XPNPEP1: variants seen among roughly 807,000 people sequenced by gnomAD.
XPNPEP1 encodes the protein X-prolyl aminopeptidase 1.
A neutral mutation model predicts 92.4 loss-of-function variants in XPNPEP1; 39 were observed. That is an observed-to-expected ratio of 0.42 (90% CI 0.33 to 0.55). The LOEUF (loss-of-function observed/expected upper bound fraction) is 0.55. Ranked by LOEUF, XPNPEP1 falls within the 20% of genes least tolerant of loss-of-function variation. The pLI, the probability that XPNPEP1 is intolerant of heterozygous loss-of-function variation, is 0.08. For synonymous variants in XPNPEP1, 307 were observed against 299.4 expected, an observed-to-expected ratio of 1.03 and a Z score of -0.26; for missense variants, 654 against 856.1, an observed-to-expected ratio of 0.76 and a Z score of 2.95.
chr10:109,898,576 G>C (rs944966), intron 3 of XPNPEP1, among the ~76,000 whole-genome samples: 44,103 of 152,110 alleles, frequency 0.29, 6,737 homozygotes, highest in Admixed American at 0.45. Flanking sequence ...AGAGGGAAAG[G>C]TGTGACAAGG....
intron 19 of XPNPEP1, 84 bp downstream of exon 19, chr10:109,869,869 G>A (rs1442544004): frequency 5.1e-6 from 7 of 1,367,218 alleles, no homozygotes; most frequent in Admixed American, 3.6e-5. Context: ...GCTTTGCGCA[G>A]TGGCAGTATT....
chr10:109,877,830 T>C lies in XPNPEP1; in HGVS notation c.1279A>G (p.Ile427Val), dbSNP rs370721301. The change falls in exon 14 of 21, where the codon ATT becomes GTT. Residue 427 changes from isoleucine to valine, a missense_variant. Ile to Val is a conservative substitution (Grantham distance 29). Coordinates refer to ENST00000502935, the MANE Select transcript of XPNPEP1 (RefSeq NM_020383.4). ...ADFVDLSFPT[I>V]SSTGPNGAII... is the part of the protein sequence containing the mutation. Reference sequence around the variant, plus strand: ...GCGCCGTTGGGTCCCGTACTGGAAATTGTTGGGAAGCTCAGGTCCACAAAG... The same window carrying C: ...GCGCCGTTGGGTCCCGTACTGGAAACTGTTGGGAAGCTCAGGTCCACAAAG... 1.2e-6 allele frequency: 2 copies of C among 1,614,030 alleles called. No homozygotes were observed. Among genetic ancestry groups the C allele is most frequent in the African/African-American group, 1.3e-5 (1 of 74,890 alleles).
chr10:109,895,193 C>T (rs1386772252), intron 3 of XPNPEP1, among the ~76,000 whole-genome samples: 1 of 152,228 alleles, frequency 6.6e-6, no homozygotes, highest in East Asian at 1.9e-4. Context: ...AGGGCACTCT[C>T]CACCAACATG....
chr10:109,909,457 G>A (rs1849743010), intron 2 of XPNPEP1, among the ~76,000 whole-genome samples: 1 of 152,130 alleles, frequency 6.6e-6, no homozygotes, highest in Admixed American at 6.5e-5. Context: ...TGTTAACTCT[G>A]GTCCTACTAG....
At chr10:109,905,292 C>A (rs1339441258) in intron 3 of XPNPEP1, among the ~76,000 whole-genome samples, 3 of 152,142 alleles carry the variant, frequency 2.0e-5, no homozygotes, top group Non-Finnish European at 4.4e-5. Flanking sequence ...TCACTGTAAC[C>A]TCCGCCTCTC....
At chr10:109,885,873 T>C (rs1440851244) in intron 8 of XPNPEP1, among the ~76,000 whole-genome samples, 1 of 152,172 alleles carries the variant, frequency 6.6e-6, no homozygotes, top group Non-Finnish European at 1.5e-5. Context: ...ATAAAGACCT[T>C]AGGAAACCAC....
intron 1 of XPNPEP1, chr10:109,915,321 A>C (rs944548384): frequency 4.8e-5 from 17 of 354,912 alleles, no homozygotes; most frequent in African/African-American, 3.1e-4. Context: ...CTTCTAGTTC[A>C]TAAATTCTCA....
At chr10:109,887,575 C>T (rs899974563) in intron 7 of XPNPEP1, among the ~76,000 whole-genome samples, 7 of 152,148 alleles carry the variant, frequency 4.6e-5, no homozygotes, top group Non-Finnish European at 8.8e-5. Context: ...AGAGAACATG[C>T]TGCTTACCCA....
chr10:109,897,235 A>T (rs1001708705), intron 3 of XPNPEP1, among the ~76,000 whole-genome samples: 1 of 152,136 alleles, frequency 6.6e-6, no homozygotes, highest in African/African-American at 2.4e-5. Flanking sequence ...CAATATAAAC[A>T]ATACATAGCC....
At chr10:109,916,780 C>T (rs373869265) in intron 1 of XPNPEP1, among the ~76,000 whole-genome samples, 43 of 152,278 alleles carry the variant, frequency 2.8e-4, no homozygotes, top group Middle Eastern at 3.4e-3. Flanking sequence ...GGATCATCAT[C>T]GCCAAGTGGG....
intron 12 of XPNPEP1, 87 bp downstream of exon 12, chr10:109,880,101 G>C (rs1348414389): frequency 7.5e-7 from 1 of 1,341,070 alleles, no homozygotes; most frequent in Non-Finnish European, 1.1e-6. Context: ...ATGGTCAGCA[G>C]AGCATGGGAG....
In XPNPEP1 at chr10:109,869,949, T is replaced by C; in HGVS notation, c.1773+4A>G. 1 of 1,614,014 alleles carries C rather than the reference T, an allele frequency of 6.2e-7. No homozygotes were observed. Among genetic ancestry groups the C allele is most frequent in the Non-Finnish European group, 8.5e-7 (1 of 1,179,942 alleles). ...ACAGGAAAATTTTTTTAATAAATCC[T>C]CACCTTGGTCTTCACAGGAACCACA... On this transcript the variant is annotated splice_donor_region_variant and intron_variant, in intron 19 of 20. Coordinates refer to ENST00000502935, the MANE Select transcript of XPNPEP1 (RefSeq NM_020383.4).
At chr10:109,890,209 G>A (rs547172705) in intron 5 of XPNPEP1, among the ~76,000 whole-genome samples, 1 of 152,152 alleles carries the variant, frequency 6.6e-6, no homozygotes, top group East Asian at 1.9e-4. Context: ...GAACAGGCAG[G>A]CAGTGTTTGC....
chr10:109,896,273 C>CT (rs57532455), intron 3 of XPNPEP1, among the ~76,000 whole-genome samples: 26,243 of 135,698 alleles, frequency 0.19, 3,025 homozygotes, highest in East Asian at 0.42. Context: ...AGATATTTGT[C>CT]TTTTTTTTTT....
chr10:109,878,326 G>A (rs1394218753), intron 12 of XPNPEP1: 3 of 358,820 alleles, frequency 8.4e-6, no homozygotes, highest in Non-Finnish European at 1.5e-5. Flanking sequence ...ACATATCTAA[G>A]TTTAAAAATT....
chr10:109,878,512 T>G (rs191745299), intron 12 of XPNPEP1: 1 of 168,100 alleles, frequency 5.9e-6, no homozygotes, highest in Admixed American at 5.6e-5. Context: ...TAGATGCAGT[T>G]TTCATTTGGA....
At position 109,918,940 on chromosome 10, in the gene XPNPEP1, C is replaced by T. The variant is rs573023072; in HGVS notation, c.33-3841G>A. Among the ~76,000 whole-genome samples the T allele has an allele frequency of 7.2e-4, 95 of 132,302 alleles. 1 individual carries two copies. Among genetic ancestry groups the T allele is most frequent in the African/African-American group, 2.5e-3 (88 of 35,232 alleles). The allele number at this position is 132,302 out of a possible 152,430, so 86.8% of individuals were successfully genotyped here. ...GGAGAGAGAGAAAAAAGAAAAAGAA[C>T]GAAAAGGAAGGAAAGGAAGGAAAGA... On this transcript the variant is annotated intron_variant, in intron 1 of 20. Transcript: ENST00000502935.
intron 1 of XPNPEP1, among the ~76,000 whole-genome samples, chr10:109,920,496 T>G (rs1850481373): frequency 6.6e-6 from 1 of 152,216 alleles, no homozygotes; most frequent in Admixed American, 6.5e-5. Flanking sequence ...GGTAAGTAAC[T>G]GATCCCAATG....
At chr10:109,923,357 G>T in intron 1 of XPNPEP1, 45 bp downstream of exon 1, 1 of 1,422,070 alleles carries the variant, frequency 7.0e-7, no homozygotes, top group Non-Finnish European at 9.2e-7. Flanking sequence ...GCGCAGCGAG[G>T]GCTGCACGCT....
Sources: gnomAD v4.1 joint callset for allele counts (sites outside exome capture counted in the v4.1 genomes callset) on GRCh38, gnomAD v4.1.1 for gene constraint, MANE v1.5 for transcripts, NCBI Gene and HGNC (gene_info 2026-07-23, HGNC 2026-07-21) for gene names.